Variants in LRRK2 observed in about 807,000 individuals in gnomAD.
The protein encoded by LRRK2 is leucine-rich repeat serine/threonine-protein kinase 2.
Under a neutral mutation model 302.6 loss-of-function variants are expected in LRRK2, and 203 were observed. That is an observed-to-expected ratio of 0.67 (90% CI 0.60 to 0.75). The LOEUF (loss-of-function observed/expected upper bound fraction) is 0.75. Among genes scored for constraint, LRRK2 ranks in the 30% least tolerant of loss-of-function variants. The pLI is 0.00. For missense variants in LRRK2, 2,830 were observed against 2,951.0 expected, an observed-to-expected ratio of 0.96 and a Z score of 0.95; for synonymous variants, 1,066 against 1,031.9, an observed-to-expected ratio of 1.03 and a Z score of -0.63.
chr12:40,316,556 C>T (rs1370485049), intron 33 of LRRK2, among the ~76,000 whole-genome samples: 3 of 152,030 alleles, frequency 2.0e-5, no homozygotes. Flanking sequence ...TCTTTAATTA[C>T]TTATTAGCTC....
At chr12:40,269,193 A>G (rs1279172992) in intron 14 of LRRK2, among the ~76,000 whole-genome samples, 3 of 152,190 alleles carry the variant, frequency 2.0e-5, no homozygotes, top group Non-Finnish European at 2.9e-5. Flanking sequence ...CATGTACATA[A>G]AGATTATTAG....
chr12:40,324,889 A>G (rs1246147373), intron 38 of LRRK2, among the ~76,000 whole-genome samples: 2 of 152,168 alleles, frequency 1.3e-5, no homozygotes, highest in African/African-American at 4.8e-5. Context: ...GAAATCCCAA[A>G]CTGTCAGACA....
rs1163439870 is a variant in LRRK2 at position 40,320,947 on chromosome 12, T to C, written c.5016-87T>C. On this transcript the variant is annotated intron_variant, in intron 34 of 50. Transcript: ENST00000298910. ...TTACAATTGTTTGGAATGATTACCT[T>C]CATTGACTTTAAGCAGTAAAATCAT... The C allele has an allele frequency of 4.9e-6, 7 of 1,425,038 alleles. No homozygotes were observed. In the African/African-American group the frequency reaches 9.8e-5, roughly 20 times the overall value. 88.3% of individuals were successfully genotyped at this position (1,425,038 alleles called of 1,614,324 possible).
intron 20 of LRRK2, among the ~76,000 whole-genome samples, chr12:40,291,083 G>A (rs544787659): frequency 1.3e-5 from 2 of 152,164 alleles, no homozygotes; most frequent in South Asian, 4.1e-4. Flanking sequence ...TGTACACCAT[G>A]GAATACTATG....
chr12:40,361,635 A>G (rs1333465171), intron 47 of LRRK2, among the ~76,000 whole-genome samples: 3 of 152,102 alleles, frequency 2.0e-5, no homozygotes, highest in African/African-American at 7.2e-5. Flanking sequence ...AAAGTTCCAT[A>G]TAAGATTTGG....
chr12:40,301,900 C>T lies in LRRK2; in HGVS notation c.3497-889C>T, dbSNP rs558535776. 2.0e-5 allele frequency among the ~76,000 whole-genome samples: 3 copies of T among 152,210 alleles called. No homozygotes were observed. The East Asian group carries it at 5.8e-4, about 29-fold the overall frequency. On this transcript the variant is annotated intron_variant, in intron 25 of 50. Transcript: ENST00000298910. ...CTTCTTAACAATTCATAAAGTAGGC[C>T]AGGCACGGTGGCTCATGCCTGTAAT...
intron 2 of LRRK2, 102 bp from the exon 3 acceptor site, chr12:40,232,172 A>G (rs1941232422): frequency 4.8e-6 from 4 of 840,044 alleles, no homozygotes; most frequent in Non-Finnish European, 8.2e-6. Context: ...TACAAGTGAG[A>G]TAAGCATCTA....
intron 18 of LRRK2, among the ~76,000 whole-genome samples, chr12:40,278,682 T>C (rs2136628778): frequency 6.6e-6 from 1 of 152,322 alleles, no homozygotes; most frequent in South Asian, 2.1e-4. Context: ...AGGCTGTGGA[T>C]GGCACACTTT....
At chr12:40,229,902 T>G (rs541784082) in intron 2 of LRRK2, among the ~76,000 whole-genome samples, 2 of 152,084 alleles carry the variant, frequency 1.3e-5, no homozygotes, top group South Asian at 4.1e-4. Flanking sequence ...CAAACAGGTT[T>G]TTTCCTTGAG....
At chr12:40,318,712 A>C (rs937765142) in intron 33 of LRRK2, among the ~76,000 whole-genome samples, 1 of 152,102 alleles carries the variant, frequency 6.6e-6, no homozygotes, top group Non-Finnish European at 1.5e-5. Flanking sequence ...GAGTGCTACA[A>C]AGAAAATATG....
chr12:40,321,509 A>AG (rs869145368), intron 35 of LRRK2, among the ~76,000 whole-genome samples: 1 of 28,808 alleles, frequency 3.5e-5, no homozygotes. Context: ...AGACATTTAC[A>AG]AAAAAAGAGC....
chr12:40,275,805 T>G (rs1205724981), intron 16 of LRRK2, among the ~76,000 whole-genome samples: 1 of 152,012 alleles, frequency 6.6e-6, no homozygotes, highest in African/African-American at 2.4e-5. Context: ...GAGATGAGGT[T>G]TCACCATATT....
chr12:40,355,765 A>G (rs1323583676), intron 45 of LRRK2, among the ~76,000 whole-genome samples: 1 of 151,778 alleles, frequency 6.6e-6, no homozygotes, highest in African/African-American at 2.4e-5. Context: ...ACTGATCTCA[A>G]TCTCCTGACC....
chr12:40,348,240 C>T (rs1374843946), intron 42 of LRRK2, among the ~76,000 whole-genome samples, 169 bp from the exon 43 acceptor site: 3 of 151,934 alleles, frequency 2.0e-5, no homozygotes, highest in Middle Eastern at 3.2e-3. Flanking sequence ...TAGTGGAGAT[C>T]AAGTTAACAA....
At chr12:40,268,818 G>T (rs1334818120) in intron 14 of LRRK2, among the ~76,000 whole-genome samples, 1 of 152,070 alleles carries the variant, frequency 6.6e-6, no homozygotes, top group Non-Finnish European at 1.5e-5. Flanking sequence ...CAGAAGGGTG[G>T]CTCAGGAAAT....
intron 2 of LRRK2, 53 bp downstream of exon 2, chr12:40,225,693 C>A: frequency 6.8e-7 from 1 of 1,467,396 alleles, no homozygotes; most frequent in Non-Finnish European, 9.5e-7. Context: ...TGGAAGGAGA[C>A]GTTTTACTGG....
chr12:40,333,667 G>T (rs17491417), intron 39 of LRRK2, among the ~76,000 whole-genome samples: 2,086 of 150,180 alleles, frequency 0.014, 47 homozygotes, highest in African/African-American at 0.046. Context: ...AAGCCAAAAT[G>T]ATATCTCGGA....
chr12:40,351,054 T>G (rs190432893), intron 43 of LRRK2, among the ~76,000 whole-genome samples: 2 of 152,236 alleles, frequency 1.3e-5, no homozygotes, highest in East Asian at 3.9e-4. Flanking sequence ...TGACTTCTGG[T>G]TCTGTTTTCT....
At chr12:40,356,725 T>C (rs1218142449) in intron 46 of LRRK2, among the ~76,000 whole-genome samples, 1 of 152,188 alleles carries the variant, frequency 6.6e-6, no homozygotes, top group Non-Finnish European at 1.5e-5. Flanking sequence ...GGAAGTAGAG[T>C]ATAACCCTTA....
Sources: allele counts gnomAD v4.1 joint callset (sites outside exome capture counted in the v4.1 genomes callset), GRCh38; gene constraint gnomAD v4.1.1; transcripts MANE v1.5; gene names NCBI Gene and HGNC (gene_info 2026-07-23, HGNC 2026-07-21).